Variants in EMCN observed in about 807,000 individuals in gnomAD.
EMCN encodes the protein MUC-14.
EMCN carries 37 observed loss-of-function variants against 38.4 expected under a neutral mutation model. The observed-to-expected ratio is 0.96, with a 90% CI of 0.74 to 1.27. The LOEUF (loss-of-function observed/expected upper bound fraction) is 1.27, where lower values mean the gene tolerates loss of function less well. EMCN is among the 50% of genes most tolerant of loss of function. EMCN has a pLI of 0.00. For missense variants in EMCN, 318 were observed against 302.8 expected, an observed-to-expected ratio of 1.05 and a Z score of -0.37; for synonymous variants, 95 against 100.8, an observed-to-expected ratio of 0.94 and a Z score of 0.35.
intron 3 of EMCN, among the ~76,000 whole-genome samples, chr4:100,470,170 T>G (rs755038193): frequency 6.6e-6 from 1 of 151,822 alleles, no homozygotes; most frequent in Admixed American, 6.6e-5. Flanking sequence ...ATTCCGCATC[T>G]ATAAGGAATT....
intron 1 of EMCN, among the ~76,000 whole-genome samples, chr4:100,515,759 T>G (rs1283777230): frequency 2.0e-5 from 3 of 152,040 alleles, no homozygotes; most frequent in Non-Finnish European, 4.4e-5. Flanking sequence ...AATGTGTATC[T>G]GGAACTAGGG....
intron 4 of EMCN, among the ~76,000 whole-genome samples, chr4:100,456,479 C>T (rs75593521): frequency 0.012 from 1,821 of 152,076 alleles, 38 homozygotes; most frequent in African/African-American, 0.04. Flanking sequence ...TAAATTTTAC[C>T]GTTAAGATTG....
chr4:100,475,845 T>C (rs1728632486), intron 2 of EMCN, among the ~76,000 whole-genome samples: 1 of 151,626 alleles, frequency 6.6e-6, no homozygotes, highest in Admixed American at 6.6e-5. Context: ...GCCCGGCTAA[T>C]TTTTTTGTAT....
At chr4:100,415,753 G>T in intron 10 of EMCN, 145 bp downstream of exon 10, 1 of 559,930 alleles carries the variant, frequency 1.8e-6, no homozygotes. Context: ...TTCCTTCATG[G>T]GAGAATTTTA....
chr4:100,448,826 C>CCTTCCTTCCTTCCTTCCTTCTTT lies in EMCN; in HGVS notation c.377-1256_377-1255insAAAGAAGGAAGGAAGGAAGGAAG, dbSNP rs1179151604. Among the ~76,000 whole-genome samples the CCTTCCTTCCTTCCTTCCTTCTTT allele has an allele frequency of 1.4e-4, 19 of 139,320 alleles. 2 individuals are homozygous for CCTTCCTTCCTTCCTTCCTTCTTT. The East Asian group carries it at 2.2e-3, about 16-fold the overall frequency. 91.4% of individuals were successfully genotyped at this position (139,320 alleles called of 152,430 possible). A position where few individuals can be genotyped will look rare whatever the true frequency, so the allele number is the denominator to read the frequency against. ...TTCCTTCCTTCCTTCCTTCCTTCCT[C>CCTTCCTTCCTTCCTTCCTTCTTT]CCTCCCTCCCTCCCTCCCTTCCTTG... On this transcript the variant is annotated intron_variant, in intron 4 of 11. Transcript: ENST00000296420.
rs5860622 is a variant in EMCN, at chr4:100,414,348, C to CTT, written c.751+1548_751+1549dup. Among the ~76,000 whole-genome samples the CTT allele has an allele frequency of 2.8e-3, 170 of 59,792 alleles. 14 individuals are homozygous for CTT. Among genetic ancestry groups the CTT allele is most frequent in the African/African-American group, 4.4e-3 (65 of 14,762 alleles). 39.2% of individuals were successfully genotyped at this position (59,792 alleles called of 152,430 possible). ...TGGTTCACATTAGGCTGCTTGAGCACTTTTTTTTTTTTTTTTTTTTTTTTT... is the reference window on the plus strand; with the variant it reads ...TGGTTCACATTAGGCTGCTTGAGCACTTTTTTTTTTTTTTTTTTTTTTTTTTT... On this transcript the variant is annotated intron_variant, in intron 10 of 11. Coordinates refer to ENST00000296420, the MANE Select transcript of EMCN (RefSeq NM_016242.4).
intron 11 of EMCN, among the ~76,000 whole-genome samples, chr4:100,401,146 G>A (rs186976802): frequency 1.3e-3 from 202 of 152,034 alleles, no homozygotes; most frequent in African/African-American, 4.7e-3. Flanking sequence ...CCAGTGTAGA[G>A]CATTATTAAG....
Position 100,414,988 on chromosome 4 carries a change from C to G in EMCN, c.751+910G>C, listed in dbSNP as rs77987009. ...GCACGATCTTGCAGCTTCCGCCCCCCGGGTTCCAGCATTTCTCCTGCCTCA... is the reference window on the plus strand; with the variant it reads ...GCACGATCTTGCAGCTTCCGCCCCCGGGGTTCCAGCATTTCTCCTGCCTCA... On this transcript the variant is annotated intron_variant, in intron 10 of 11. Coordinates refer to ENST00000296420, the MANE Select transcript of EMCN (RefSeq NM_016242.4). Among the ~76,000 whole-genome samples the G allele has an allele frequency of 1.0e-3, 155 of 152,232 alleles. 1 individual carries two copies. The highest frequency in any genetic ancestry group is 3.7e-3 in the African/African-American group (152 of 41,534).
chr4:100,510,378 G>A (rs1233730610), intron 1 of EMCN, among the ~76,000 whole-genome samples: 1 of 152,134 alleles, frequency 6.6e-6, no homozygotes, highest in African/African-American at 2.4e-5. Flanking sequence ...TTACTTGGCA[G>A]TCATCTTACA....
intron 5 of EMCN, among the ~76,000 whole-genome samples, chr4:100,434,806 C>T (rs765094211): frequency 3.0e-4 from 45 of 152,102 alleles, no homozygotes; most frequent in Admixed American, 1.6e-3. Flanking sequence ...GCAGAAAAGG[C>T]CTTCAATAAA....
chr4:100,511,431 G>C (rs1407128994), intron 1 of EMCN, among the ~76,000 whole-genome samples: 1 of 152,122 alleles, frequency 6.6e-6, no homozygotes, highest in African/African-American at 2.4e-5. Flanking sequence ...AACTAATACA[G>C]GTTTCAGCTA....
chr4:100,434,545 T>C (rs977166710), intron 5 of EMCN, among the ~76,000 whole-genome samples: 1 of 152,158 alleles, frequency 6.6e-6, no homozygotes, highest in Admixed American at 6.6e-5. Context: ...ATCATCCTGA[T>C]ACCAAAACCT....
intron 11 of EMCN, among the ~76,000 whole-genome samples, chr4:100,409,581 A>G (rs1215374348): frequency 6.6e-6 from 1 of 152,204 alleles, no homozygotes; most frequent in Non-Finnish European, 1.5e-5. Flanking sequence ...TTTTGTCAAG[A>G]TACCTGGAGG....
chr4:100,497,995 T>C (rs1729254616), intron 1 of EMCN, among the ~76,000 whole-genome samples: 1 of 152,170 alleles, frequency 6.6e-6, no homozygotes, highest in African/African-American at 2.4e-5. Context: ...GATATTTAAG[T>C]ATTAAGAGAT....
intron 5 of EMCN, among the ~76,000 whole-genome samples, chr4:100,438,549 T>C (rs1727419281): frequency 6.6e-6 from 1 of 151,978 alleles, no homozygotes; most frequent in South Asian, 2.1e-4. Context: ...GATTTTTTTT[T>C]CTTTTTGATT....
intron 5 of EMCN, chr4:100,446,206 C>T (rs7658206): frequency 0.9 from 884,834 of 985,120 alleles, 397,499 homozygotes; most frequent in South Asian, 0.96. Flanking sequence ...CTGTTTTTGT[C>T]TTGTTTTGCT....
In EMCN at chr4:100,455,540, A is replaced by T. The variant is rs113751980; in HGVS notation, c.377-7969T>A. Among the ~76,000 whole-genome samples the T allele has an allele frequency of 6.7e-5, 10 of 148,588 alleles. No individual in the cohort carries two copies. In the East Asian group the frequency reaches 9.9e-4, roughly 15 times the overall value. ...TTTTTTTTTTCTTCCAGTACTAAAAAGTTGTTTCATTGTTTTCTGGCATGC... is the reference window on the plus strand; with the variant it reads ...TTTTTTTTTTCTTCCAGTACTAAAATGTTGTTTCATTGTTTTCTGGCATGC... On this transcript the variant is annotated intron_variant, in intron 4 of 11. Transcript: ENST00000296420.
intron 3 of EMCN, among the ~76,000 whole-genome samples, chr4:100,473,162 G>A (rs976668471): frequency 2.0e-5 from 3 of 149,426 alleles, no homozygotes; most frequent in Non-Finnish European, 4.4e-5. Context: ...TTACAGATGC[G>A]TGCCACCACG....
At position 100,441,569 on chromosome 4, in the gene EMCN, C is replaced by T. The variant is rs534141181; in HGVS notation, c.415+5964G>A. On this transcript the variant is annotated intron_variant, in intron 5 of 11. Transcript: ENST00000296420. ...TTATTTGTTTTCTGATTATTGGTAG[C>T]TTCGTTTCTTTCTCTCTCATTGTCT... Among the ~76,000 whole-genome samples the T allele has an allele frequency of 2.6e-5, 4 of 152,064 alleles. No homozygotes were observed. The South Asian group carries it at 8.3e-4, about 32-fold the overall frequency.
Sources: allele counts gnomAD v4.1 joint callset (sites outside exome capture counted in the v4.1 genomes callset), GRCh38; gene constraint gnomAD v4.1.1; transcripts MANE v1.5; gene names NCBI Gene and HGNC (gene_info 2026-07-23, HGNC 2026-07-21).